The following CCDC192 variants were observed in gnomAD, a reference collection of about 807,000 sequenced individuals.
The protein encoded by CCDC192 is coiled-coil domain-containing protein 192.
intron 2 of CCDC192, among the ~76,000 whole-genome samples, chr5:127,731,904 C>A (rs1392846149): frequency 1.3e-5 from 2 of 152,078 alleles, no homozygotes; most frequent in African/African-American, 4.8e-5. Flanking sequence ...TATAACATCC[C>A]AAACAGAAAA....
At chr5:127,702,965 G>A (rs528371142), upstream of CCDC192, among the ~76,000 whole-genome samples, 93 of 152,302 alleles carry the variant, frequency 6.1e-4, 1 homozygote, top group African/African-American at 2.1e-3. Flanking sequence ...GAATGTGGCC[G>A]GGTGGGGTCT....
intron 6 of CCDC192, among the ~76,000 whole-genome samples, chr5:127,885,778 T>C (rs1752539026): frequency 6.6e-6 from 1 of 152,140 alleles, no homozygotes; most frequent in Admixed American, 6.5e-5. Flanking sequence ...TAATGTTATA[T>C]GTATCTAATA....
intron 2 of CCDC192, among the ~76,000 whole-genome samples, chr5:127,736,567 T>C (rs2126828451): frequency 6.6e-6 from 1 of 152,060 alleles, no homozygotes; most frequent in East Asian, 1.9e-4. Flanking sequence ...CCTGGACTCT[T>C]TTTGGTTGGT....
chr5:127,890,181 T>C (rs1453630714), intron 6 of CCDC192, among the ~76,000 whole-genome samples: 1 of 152,024 alleles, frequency 6.6e-6, no homozygotes, highest in Non-Finnish European at 1.5e-5. Flanking sequence ...GAGACCAGAC[T>C]AGGCAGGATA....
chr5:127,822,875 T>G (rs1165688412), intron 5 of CCDC192, among the ~76,000 whole-genome samples: 2 of 152,324 alleles, frequency 1.3e-5, no homozygotes, highest in Middle Eastern at 3.4e-3. Flanking sequence ...TGAGGCCCAG[T>G]GAGTGACACC....
At chr5:127,829,331 T>C (rs1452018658) in intron 5 of CCDC192, among the ~76,000 whole-genome samples, 1 of 152,156 alleles carries the variant, frequency 6.6e-6, no homozygotes, top group Non-Finnish European at 1.5e-5. Context: ...AGGAAACAAA[T>C]GGGAAATTTA....
intron 3 of CCDC192, among the ~76,000 whole-genome samples, chr5:127,783,954 C>T (rs1756390770): frequency 6.6e-6 from 1 of 152,114 alleles, no homozygotes. Context: ...AATAGCTACT[C>T]CTGCTCATTT....
rs1445880579 is a variant in CCDC192, at chr5:127,909,277, C to T, written c.536-31905C>T. On this transcript the variant is annotated intron_variant, in intron 6 of 6. Coordinates refer to ENST00000514853, the MANE Select transcript of CCDC192 (RefSeq NM_001317938.2). ...TTTCAAGGCCCTTCACAATACCTTACGTTGACTGGCCACAAGTAGGAGCAC... is the reference window on the plus strand; with the variant it reads ...TTTCAAGGCCCTTCACAATACCTTATGTTGACTGGCCACAAGTAGGAGCAC... Among the ~76,000 whole-genome samples, 13 of 152,206 alleles carry T rather than the reference C, an allele frequency of 8.5e-5. 1 individual carries two copies. Among genetic ancestry groups the T allele is most frequent in the Admixed American group, 8.5e-4 (13 of 15,276 alleles).
At chr5:127,894,318 G>A (rs776352842) in intron 6 of CCDC192, among the ~76,000 whole-genome samples, 1 of 148,736 alleles carries the variant, frequency 6.7e-6, no homozygotes, top group East Asian at 2.0e-4. Context: ...TCAGCCTCCC[G>A]AGTAGCTGAG....
intron 5 of CCDC192, among the ~76,000 whole-genome samples, chr5:127,848,679 A>T (rs989980564): frequency 6.6e-6 from 1 of 152,190 alleles, no homozygotes; most frequent in African/African-American, 2.4e-5. Flanking sequence ...TACCACATAA[A>T]ATTCTTATCG....
At chr5:127,771,799 C>T (rs1755567415) in intron 3 of CCDC192, among the ~76,000 whole-genome samples, 1 of 152,178 alleles carries the variant, frequency 6.6e-6, no homozygotes, top group Non-Finnish European at 1.5e-5. Context: ...GGTCCTTGTC[C>T]AATGACCAGC....
chr5:127,850,776 G>A (rs936261364), intron 5 of CCDC192, among the ~76,000 whole-genome samples: 3 of 152,114 alleles, frequency 2.0e-5, no homozygotes, highest in Admixed American at 1.3e-4. Context: ...GACCAGCTTG[G>A]CCAACATGGT....
At chr5:127,769,246 C>A (rs951156446) in intron 3 of CCDC192, among the ~76,000 whole-genome samples, 23 of 152,080 alleles carry the variant, frequency 1.5e-4, no homozygotes, top group Admixed American at 1.4e-3. Flanking sequence ...AAAGAGAAGT[C>A]TTTTATCTTT....
chr5:127,793,107 A>C (rs1756973657), intron 3 of CCDC192, among the ~76,000 whole-genome samples: 1 of 152,234 alleles, frequency 6.6e-6, no homozygotes, highest in South Asian at 2.1e-4. Context: ...TACCCATGTA[A>C]CAAATATGTA....
intron 3 of CCDC192, among the ~76,000 whole-genome samples, chr5:127,783,668 T>TTTGTTG (rs745946001): frequency 6.6e-6 from 1 of 152,048 alleles, no homozygotes; most frequent in Non-Finnish European, 1.5e-5. Flanking sequence ...AAATCCATTG[T>TTTGTTG]TTGTTGTTGT....
chr5:127,820,888 C>G (rs1439428590), intron 5 of CCDC192, among the ~76,000 whole-genome samples: 1 of 152,094 alleles, frequency 6.6e-6, no homozygotes, highest in Non-Finnish European at 1.5e-5. Context: ...TTAATTTAAT[C>G]TAAATATATT....
intron 5 of CCDC192, among the ~76,000 whole-genome samples, chr5:127,870,384 C>G (rs144038599): frequency 2.4e-3 from 373 of 152,282 alleles, no homozygotes; most frequent in African/African-American, 8.8e-3. Context: ...TTCTAGGTTA[C>G]CTTTAAGTAA....
chr5:127,850,374 T>C (rs1750742017), intron 5 of CCDC192, among the ~76,000 whole-genome samples: 1 of 152,174 alleles, frequency 6.6e-6, no homozygotes, highest in Non-Finnish European at 1.5e-5. Context: ...TGCATCTATC[T>C]CAATGGGCAT....
chr5:127,788,873 G>T (rs1311100716), intron 3 of CCDC192, among the ~76,000 whole-genome samples: 1 of 152,130 alleles, frequency 6.6e-6, no homozygotes, highest in African/African-American at 2.4e-5. Context: ...ATGGTATTTG[G>T]AAGGGGTACA....
Sources: gnomAD v4.1 joint callset for allele counts (sites outside exome capture counted in the v4.1 genomes callset) on GRCh38, gnomAD v4.1.1 for gene constraint, MANE v1.5 for transcripts, NCBI Gene and HGNC (gene_info 2026-07-23, HGNC 2026-07-21) for gene names.